Variants in PLCD3 observed in about 807,000 individuals in gnomAD.
PLCD3 encodes 1-phosphatidylinositol 4,5-bisphosphate phosphodiesterase delta-3.
In PLCD3, 62 loss-of-function variants were observed where a neutral mutation model predicts 82.8. The ratio of observed to expected loss-of-function variants is 0.75; its 90% CI spans 0.61 to 0.93. PLCD3 has a LOEUF of 0.93. PLCD3 is among the 40% of genes least tolerant of loss of function. The pLI, the probability that PLCD3 is intolerant of heterozygous loss-of-function variation, is 0.00. For missense variants in PLCD3, 1,023 were observed against 1,103.4 expected, an observed-to-expected ratio of 0.93 and a Z score of 1.03; for synonymous variants, 478 against 471.8, an observed-to-expected ratio of 1.01 and a Z score of -0.17.
chr17:45,125,232 GCATGTGGAT>G (rs1461048795), intron 1 of PLCD3, among the ~76,000 whole-genome samples: 2 of 152,126 alleles, frequency 1.3e-5, no homozygotes, highest in East Asian at 3.9e-4. Context: ...GGAGGCTGAG[GCATGTGGAT>G]CATTTGAGGC....
intron 8 of PLCD3, 54 bp from the exon 9 acceptor site, chr17:45,115,544 G>A (rs1333176878): frequency 1.3e-5 from 20 of 1,499,134 alleles, no homozygotes; most frequent in Non-Finnish European, 1.8e-5. Context: ...CCCTGTGGCA[G>A]CCAGTCAGTC....
At position 45,120,981 on chromosome 17, in the gene PLCD3, C is replaced by T; in HGVS notation, c.475G>A (p.Glu159Lys). 6.5e-7 allele frequency: 1 copy of T among 1,531,236 alleles called. No homozygotes were observed. Among genetic ancestry groups the T allele is most frequent in the Non-Finnish European group, 8.7e-7 (1 of 1,146,022 alleles). 94.9% of individuals were successfully genotyped at this position (1,531,236 alleles called of 1,614,324 possible). Residue 159 changes from glutamate to lysine, a missense_variant, in exon 3 of 15, where the codon GAA becomes AAA. Around this residue, in one of 3 missense-constraint regions of PLCD3, gnomAD observed 448 missense variants for 406.3 expected, o/e 1.10. Coordinates refer to ENST00000619929, the MANE Select transcript of PLCD3 (RefSeq NM_133373.5). ...NLDLAAPTAE[E>K]AQRWVRGLTK... The stretch of plus-strand genomic sequence containing the variant: ...AGACCGCGCACCCAGCGCTGCGCTT[C>T]CTCAGCCGTGGGCGCCGCCAGGTCC...
Position 45,112,519 on chromosome 17 carries a change from G to T in PLCD3, c.*97C>A. On this transcript the variant is annotated 3_prime_UTR_variant, in exon 15 of 15. Coordinates refer to ENST00000619929, the MANE Select transcript of PLCD3 (RefSeq NM_133373.5). ...AGTGGGCCAAGTGGGTGGGCTGGGGGGCTGGTACTCCCACCACCTGACTCC... is the reference window on the plus strand; with the variant it reads ...AGTGGGCCAAGTGGGTGGGCTGGGGTGCTGGTACTCCCACCACCTGACTCC... 5 of 1,324,722 alleles carry T rather than the reference G, an allele frequency of 3.8e-6. No homozygotes were observed. The highest frequency in any genetic ancestry group is 5.3e-6 in the Non-Finnish European group (5 of 948,300). 82.1% of individuals were successfully genotyped at this position (1,324,722 alleles called of 1,614,324 possible). A position where few individuals can be genotyped will look rare whatever the true frequency, so the allele number is the denominator to read the frequency against.
intron 1 of PLCD3, among the ~76,000 whole-genome samples, chr17:45,130,500 C>T (rs1029691752): frequency 6.6e-6 from 1 of 152,160 alleles, no homozygotes; most frequent in Non-Finnish European, 1.5e-5. Flanking sequence ...CGTGACCCTG[C>T]CAGGGCTGAC....
At position 45,112,567 on chromosome 17, in the gene PLCD3, G is replaced by T; in HGVS notation, c.*49C>A. ...TCCAGAGGAGGAGAGGGCTCTGCAG[G>T]GGATGTGGACTGGCACTCGCAGAAC... On this transcript the variant is annotated 3_prime_UTR_variant, in exon 15 of 15. Transcript: ENST00000619929. 2 of 1,515,676 alleles carry T rather than the reference G, an allele frequency of 1.3e-6. No homozygotes were observed. The highest frequency in any genetic ancestry group is 2.4e-5 in the East Asian group (1 of 41,142). 93.9% of individuals were successfully genotyped at this position (1,515,676 alleles called of 1,614,324 possible).
rs752846691 is a variant in PLCD3, at chr17:45,115,490, G to A, written c.1414C>T (p.Gln472Ter). 6.2e-7 allele frequency: 1 copy of A among 1,607,378 alleles called. No homozygotes were observed. The highest frequency in any genetic ancestry group is 8.5e-7 in the Non-Finnish European group (1 of 1,177,158). ...PNPEELPSPE[Q>*]LKGRVLVKGK... ...TTCACCAGGACCCGGCCCTTCAGCT[G>A]CTGTGGGGGCCAACGTGGAGGATGA... The change falls in exon 9 of 15, where the codon CAG (glutamine) becomes TAG (stop). Residue 472 changes from glutamine to a stop codon, truncating the protein, a stop_gained and splice_region_variant. Transcript: ENST00000619929. LOFTEE classifies it high-confidence loss of function.
intron 1 of PLCD3, among the ~76,000 whole-genome samples, chr17:45,124,751 C>T (rs1263710898): frequency 2.0e-5 from 3 of 152,254 alleles, no homozygotes; most frequent in African/African-American, 4.8e-5. Context: ...GTGCACAAGC[C>T]GCCCACCTCC....
intron 8 of PLCD3, 30 bp from the exon 9 acceptor site, chr17:45,115,520 T>G (rs1396351440): frequency 6.4e-7 from 1 of 1,571,004 alleles, no homozygotes; most frequent in Non-Finnish European, 8.7e-7. Flanking sequence ...GGATGAAGGG[T>G]TAGGCCTTCT....
intron 1 of PLCD3, among the ~76,000 whole-genome samples, chr17:45,122,493 C>G (rs1177914600): frequency 6.6e-6 from 1 of 152,160 alleles, no homozygotes; most frequent in African/African-American, 2.4e-5. Flanking sequence ...GGTCCAGCGC[C>G]TCTGACCTTT....
intron 7 of PLCD3, 150 bp from the exon 8 acceptor site, chr17:45,116,934 C>T (rs932752686): frequency 1.2e-5 from 12 of 982,540 alleles, no homozygotes; most frequent in African/African-American, 5.1e-5. Context: ...AGGCTGAGGG[C>T]GGCTGCAGGA....
At position 45,118,475 on chromosome 17, in the gene PLCD3, T is replaced by TCAGCTCATG; in HGVS notation, c.922_930dup (p.His308_Leu310dup). 6.2e-7 allele frequency: 1 copy of TCAGCTCATG among 1,613,866 alleles called. No individual in the cohort carries two copies. The highest frequency in any genetic ancestry group is 8.5e-7 in the Non-Finnish European group (1 of 1,179,858). On this transcript the variant is annotated inframe_insertion, in exon 6 of 15. Transcript: ENST00000619929. This position sits in a 1 kb window ranked among gnomAD's most constrained non-coding sequence, Gnocchi z 4.1. ...TACATCATGAAGCCATCCAGTGTCATCAGCTCATGCTGCTTGGCTGCAGGG... is the reference window on the plus strand; with the variant it reads ...TACATCATGAAGCCATCCAGTGTCATCAGCTCATGCAGCTCATGCTGCTTGGCTGCAGGG...
In PLCD3 at chr17:45,115,188, G is replaced by A; in HGVS notation, c.1617C>T (p.Arg539=). The stretch of plus-strand genomic sequence containing the variant: ...TGGGGGCAGGGTGCAGGGTCCGCAG[G>A]CGGGTGGCGTGGCAGTACACAGCCA... ...SALAVYCHAT[R]LRTLHPAPNA... Residue 539 remains arginine (R), a synonymous_variant, in exon 10 of 15, where the codon CGC becomes CGT. Coordinates refer to ENST00000619929, the MANE Select transcript of PLCD3 (RefSeq NM_133373.5). 6.3e-7 allele frequency: 1 copy of A among 1,586,210 alleles called. No homozygotes were observed. The highest frequency in any genetic ancestry group is 8.6e-7 in the Non-Finnish European group (1 of 1,165,830).
At position 45,115,196 on chromosome 17, in the gene PLCD3, C is replaced by T. The variant is rs751894420; in HGVS notation, c.1609G>A (p.Ala537Thr). 1.1e-5 allele frequency: 17 copies of T among 1,580,356 alleles called. No individual in the cohort carries two copies. The highest frequency in any genetic ancestry group is 7.2e-5 in the Admixed American group (4 of 55,366). Reference protein sequence around the residue: ...ELSALAVYCHATRLRTLHPAP... With the variant: ...ELSALAVYCHTTRLRTLHPAP... Reference sequence around the variant, plus strand: ...GGGTGCAGGGTCCGCAGGCGGGTGGCGTGGCAGTACACAGCCAGGGCCGAC... The same window carrying T: ...GGGTGCAGGGTCCGCAGGCGGGTGGTGTGGCAGTACACAGCCAGGGCCGAC... The change falls in exon 10 of 15, where the codon GCC becomes ACC. Residue 537 changes from alanine to threonine, a missense_variant. By Grantham distance (58) the Ala-to-Thr change is moderately conservative. Transcript: ENST00000619929.
chr17:45,114,477 C>A (rs1042728382), intron 10 of PLCD3, 111 bp from the exon 11 acceptor site: 24 of 768,920 alleles, frequency 3.1e-5, no homozygotes, highest in African/African-American at 2.7e-4. Context: ...GGTCACCCTG[C>A]CCCCGCTCCT....
chr17:45,128,264 G>A (rs1187355760), intron 1 of PLCD3, among the ~76,000 whole-genome samples: 1 of 152,216 alleles, frequency 6.6e-6, no homozygotes, highest in African/African-American at 2.4e-5. Flanking sequence ...CACAGCAAGT[G>A]GGGGTGGCAG....
At position 45,120,417 on chromosome 17, in the gene PLCD3, G is replaced by A. The variant is rs755177246; in HGVS notation, c.592C>T (p.Gln198Ter). 12 of 1,614,002 alleles carry A rather than the reference G, an allele frequency of 7.4e-6. No individual in the cohort carries two copies. The highest frequency in any genetic ancestry group is 1.0e-5 in the Non-Finnish European group (12 of 1,179,864). ...HSYLHRADSNQDSKMSFKEIK... is the reference protein window; with the variant it reads ...HSYLHRADSN Reference sequence around the variant, plus strand: ...TCCTTGAAGCTCATCTTGCTGTCCTGGTTGGAGTCAGCCCGGTGCAGATAG... The same window carrying A: ...TCCTTGAAGCTCATCTTGCTGTCCTAGTTGGAGTCAGCCCGGTGCAGATAG... Residue 198 changes from glutamine (Q) to a stop codon, truncating the protein, a stop_gained, in exon 4 of 15, where the codon CAG becomes TAG. Coordinates refer to ENST00000619929, the MANE Select transcript of PLCD3 (RefSeq NM_133373.5). LOFTEE classifies it high-confidence loss of function.
Position 45,111,642 on chromosome 17 carries a change from G to A in PLCD3, c.*974C>T, listed in dbSNP as rs2054242800. 6.6e-6 allele frequency: 1 copy of A among 152,188 alleles called. No homozygotes were observed. Among genetic ancestry groups the A allele is most frequent in the Admixed American group, 6.6e-5 (1 of 15,266 alleles). The allele number at this position is 152,188 out of a possible 1,614,324, so 9.4% of individuals were successfully genotyped here. ...GCAGCATAGAGGTGCTCAGGGAGTG[G>A]CGGTGGTGAAATCAACGTGCTTCTT... On this transcript the variant is annotated 3_prime_UTR_variant, in exon 15 of 15. Transcript: ENST00000619929.
rs576220563 is a variant in PLCD3, at chr17:45,110,842, A to G, written c.*1774T>C. Reference sequence around the variant, plus strand: ...CTGATTATCCTCTTTCAGACACACAAATTAACCAGAGCCAAACGCCACTCC... The same window carrying G: ...CTGATTATCCTCTTTCAGACACACAGATTAACCAGAGCCAAACGCCACTCC... On this transcript the variant is annotated 3_prime_UTR_variant, in exon 15 of 15. Coordinates refer to ENST00000619929, the MANE Select transcript of PLCD3 (RefSeq NM_133373.5). 37 of 152,326 alleles carry G rather than the reference A, an allele frequency of 2.4e-4. No individual in the cohort carries two copies. The highest frequency in any genetic ancestry group is 8.2e-4 in the African/African-American group (34 of 41,576). The allele number at this position is 152,326 out of a possible 1,614,324, so 9.4% of individuals were successfully genotyped here.
At chr17:45,123,026 C>T (rs2054353679) in intron 1 of PLCD3, among the ~76,000 whole-genome samples, 6 of 152,166 alleles carry the variant, frequency 3.9e-5, no homozygotes, top group Admixed American at 3.9e-4. Flanking sequence ...AATCAATAAC[C>T]CCTGTGTGGG....
Sources: gnomAD v4.1 joint callset for allele counts (sites outside exome capture counted in the v4.1 genomes callset) on GRCh38, gnomAD v4.1.1 for gene constraint, gnomAD v4.1.1 regional missense constraint, Gnocchi (gnomAD v3.1) non-coding constraint, MANE v1.5 for transcripts, NCBI Gene and HGNC (gene_info 2026-07-23, HGNC 2026-07-21) for gene names.